VPS13A: variants seen among roughly 807,000 people sequenced by gnomAD.
VPS13A encodes intermembrane lipid transfer protein VPS13A.
Under a neutral mutation model 390.9 loss-of-function variants are expected in VPS13A, and 264 were observed. The observed-to-expected ratio is 0.68, with a 90% CI of 0.61 to 0.75. The LOEUF is 0.75. Ranked by LOEUF, VPS13A falls within the 30% of genes least tolerant of loss-of-function variation. The pLI, the probability that VPS13A is intolerant of heterozygous loss-of-function variation, is 0.00. For synonymous variants in VPS13A, 1,231 were observed against 1,227.1 expected (o/e 1.00, Z -0.07); for missense variants, 3,409 against 3,733.9 (o/e 0.91, Z 2.27).
At chr9:77,299,146 GT>G (rs1828187544) in intron 33 of VPS13A, among the ~76,000 whole-genome samples, 1 of 152,174 alleles carries the variant, frequency 6.6e-6, no homozygotes, top group South Asian at 2.1e-4. Context: ...GTACTATGCT[GT>G]TTTGGTTACT....
chr9:77,297,416 C>T (rs890095557), intron 33 of VPS13A, among the ~76,000 whole-genome samples: 1 of 151,992 alleles, frequency 6.6e-6, no homozygotes, highest in African/African-American at 2.4e-5. Flanking sequence ...CCTGGGTCCC[C>T]CCTCCCTGTA....
chr9:77,327,081 A>C (rs1830053516), intron 45 of VPS13A, among the ~76,000 whole-genome samples: 1 of 152,162 alleles, frequency 6.6e-6, no homozygotes, highest in South Asian at 2.1e-4. Flanking sequence ...CTCACTCTCC[A>C]GACAGCAAGC....
intron 3 of VPS13A, among the ~76,000 whole-genome samples, chr9:77,203,284 G>A (rs866670928): frequency 2.0e-5 from 3 of 151,996 alleles, no homozygotes; most frequent in African/African-American, 4.8e-5. Context: ...GGAAGAAAAG[G>A]TTTGTTTGTT....
At chr9:77,205,287 T>A in intron 3 of VPS13A, 26 bp from the exon 4 acceptor site, 1 of 560,404 alleles carries the variant, frequency 1.8e-6, no homozygotes, top group South Asian at 4.0e-5. Flanking sequence ...TTTTTTGTCC[T>A]TTTTTTTTTT....
chr9:77,187,393 T>A (rs1347070427), intron 1 of VPS13A, among the ~76,000 whole-genome samples: 1 of 152,250 alleles, frequency 6.6e-6, no homozygotes, highest in African/African-American at 2.4e-5. Flanking sequence ...CACCAACATT[T>A]ATTTTCTCTT....
intron 68 of VPS13A, chr9:77,385,162 TTTA>T (rs1437820477): frequency 4.3e-6 from 4 of 937,586 alleles, no homozygotes; most frequent in Non-Finnish European, 5.1e-6. Context: ...TCAAATTTCT[TTTA>T]ATAATAATAA....
chr9:77,231,401 G>A (rs539800911), intron 17 of VPS13A, among the ~76,000 whole-genome samples: 3 of 152,016 alleles, frequency 2.0e-5, no homozygotes, highest in East Asian at 1.9e-4. Context: ...AGCAATGTAC[G>A]TGGATTCATA....
chr9:77,180,955 C>T (rs1487671357), intron 1 of VPS13A, among the ~76,000 whole-genome samples: 1 of 151,554 alleles, frequency 6.6e-6, no homozygotes, highest in Admixed American at 6.6e-5. Flanking sequence ...AAGGCTGAGG[C>T]GGGAAGATTG....
At chr9:77,184,621 A>C (rs778363433) in intron 1 of VPS13A, among the ~76,000 whole-genome samples, 4 of 152,242 alleles carry the variant, frequency 2.6e-5, no homozygotes, top group Admixed American at 6.5e-5. Context: ...TCCGTCTCAA[A>C]AAAACAAAAA....
rs554230158 is a variant in VPS13A, at chr9:77,309,562, G to A, written c.4114+1464G>A. Among the ~76,000 whole-genome samples, 5 of 152,146 alleles carry A rather than the reference G, an allele frequency of 3.3e-5. No homozygotes were observed. In the East Asian group the frequency reaches 7.7e-4, roughly 23 times the overall value. Reference sequence around the variant, plus strand: ...ATCATAAAGATGAATTTATAAATTAGGCACAGTAAGAGTTGAACAACTAAT... The same window carrying A: ...ATCATAAAGATGAATTTATAAATTAAGCACAGTAAGAGTTGAACAACTAAT... On this transcript the variant is annotated intron_variant, in intron 35 of 71. Transcript: ENST00000360280.
chr9:77,404,925 G>GA (rs1834529129), intron 69 of VPS13A, among the ~76,000 whole-genome samples: 1 of 152,094 alleles, frequency 6.6e-6, no homozygotes, highest in South Asian at 2.1e-4. Flanking sequence ...ACAGAAGATG[G>GA]AAGTGAGAGA....
At chr9:77,258,481 T>C (rs1825577420) in intron 22 of VPS13A, among the ~76,000 whole-genome samples, 1 of 152,182 alleles carries the variant, frequency 6.6e-6, no homozygotes, top group Admixed American at 6.5e-5. Context: ...CTAACAAATA[T>C]TGTCCAGGGC....
At position 77,320,064 on chromosome 9, in the gene VPS13A, C is replaced by G. The variant is rs150887227; in HGVS notation, c.5415+391C>G. Among the ~76,000 whole-genome samples the G allele has an allele frequency of 3.9e-5, 6 of 152,106 alleles. No individual in the cohort carries two copies. In the East Asian group the frequency reaches 1.2e-3, roughly 29 times the overall value. On this transcript the variant is annotated intron_variant, in intron 42 of 71. Transcript: ENST00000360280. ...GTAACAAGTATTATGTTACTTGTTA[C>G]ATAATTTAGAACAATTTAGAACATA...
intron 26 of VPS13A, chr9:77,279,938 C>G (rs905868843): frequency 1.5e-5 from 6 of 401,118 alleles, no homozygotes; most frequent in Non-Finnish European, 2.8e-5. Context: ...TATGAGACTT[C>G]AGTGTTGTGG....
chr9:77,284,744 C>T (rs1409591172), intron 31 of VPS13A, among the ~76,000 whole-genome samples: 2 of 151,830 alleles, frequency 1.3e-5, no homozygotes, highest in Non-Finnish European at 2.9e-5. Context: ...TGCTCTATCA[C>T]CCAGGCTGGA....
chr9:77,376,384 C>T (rs1448148144), intron 67 of VPS13A, among the ~76,000 whole-genome samples: 1 of 152,050 alleles, frequency 6.6e-6, no homozygotes, highest in Non-Finnish European at 1.5e-5. Flanking sequence ...TGCATTGAGG[C>T]GTAACCACAG....
intron 1 of VPS13A, among the ~76,000 whole-genome samples, chr9:77,192,218 T>C (rs970438148): frequency 6.6e-6 from 1 of 152,194 alleles, no homozygotes; most frequent in African/African-American, 2.4e-5. Context: ...TTCCTTTACT[T>C]TGAGCCTATG....
intron 13 of VPS13A, among the ~76,000 whole-genome samples, chr9:77,224,989 C>T (rs903544969): frequency 3.3e-5 from 5 of 152,154 alleles, no homozygotes; most frequent in African/African-American, 7.2e-5. Context: ...TATTACAACT[C>T]GTTGATGGCT....
chr9:77,233,416 A>G lies in VPS13A; in HGVS notation c.1596-4586A>G, dbSNP rs543095643. Among the ~76,000 whole-genome samples the G allele has an allele frequency of 7.3e-5, 11 of 151,716 alleles. 1 individual carries two copies. The East Asian group carries it at 1.2e-3, about 16-fold the overall frequency. ...CTGTATTTCATTTGTCTCCACTCTGACATGTATTATTTTATTCATACTGTG... is the reference window on the plus strand; with the variant it reads ...CTGTATTTCATTTGTCTCCACTCTGGCATGTATTATTTTATTCATACTGTG... On this transcript the variant is annotated intron_variant, in intron 17 of 71. Coordinates refer to ENST00000360280, the MANE Select transcript of VPS13A (RefSeq NM_033305.3).
Sources: allele counts gnomAD v4.1 joint callset (sites outside exome capture counted in the v4.1 genomes callset), GRCh38; gene constraint gnomAD v4.1.1; transcripts MANE v1.5; gene names NCBI Gene and HGNC (gene_info 2026-07-23, HGNC 2026-07-21).